The following RIMS2 variants were observed in gnomAD, a reference collection of about 807,000 sequenced individuals.
RIMS2 encodes regulating synaptic membrane exocytosis 2, also known as regulating synaptic membrane exocytosis protein 2.
A neutral mutation model predicts 174.4 loss-of-function variants in RIMS2; 59 were observed. That is an observed-to-expected ratio of 0.34 (90% CI 0.27 to 0.42). RIMS2 has a LOEUF of 0.42. RIMS2 is among the 10% of genes least tolerant of loss of function. The pLI is 1.00. For synonymous variants in RIMS2, 606 were observed against 572.5 expected, an observed-to-expected ratio of 1.06 and a Z score of -0.84; for missense variants, 1,620 against 1,666.3, an observed-to-expected ratio of 0.97 and a Z score of 0.48.
intron 3 of RIMS2, among the ~76,000 whole-genome samples, chr8:103,851,986 G>A (rs1019778980): frequency 2.0e-5 from 3 of 148,528 alleles, no homozygotes; most frequent in South Asian, 2.2e-4. Context: ...AATCGTACTC[G>A]GGCAGATGGG....
chr8:104,097,812 C>A (rs1285891671), intron 19 of RIMS2, among the ~76,000 whole-genome samples: 5 of 152,176 alleles, frequency 3.3e-5, no homozygotes, highest in Non-Finnish European at 7.4e-5. Context: ...TTTTATGAAG[C>A]ATGGTCCAAA....
intron 19 of RIMS2, among the ~76,000 whole-genome samples, chr8:104,100,278 C>A (rs1303559048): frequency 1.3e-5 from 2 of 151,996 alleles, no homozygotes; most frequent in Non-Finnish European, 2.9e-5. Flanking sequence ...TATAGAAATA[C>A]AATTAATTTT....
At chr8:104,142,120 C>CTTTTTTTTTTTTTTTT in intron 19 of RIMS2, among the ~76,000 whole-genome samples, 1 of 131,996 alleles carries the variant, frequency 7.6e-6, no homozygotes, top group Non-Finnish European at 1.6e-5. Flanking sequence ...AAATATCTTC[C>CTTTTTTTTTTTTTTTT]TTTTTTTTTT....
At chr8:104,139,502 A>G (rs1250752734) in intron 19 of RIMS2, among the ~76,000 whole-genome samples, 2 of 151,894 alleles carry the variant, frequency 1.3e-5, no homozygotes, top group East Asian at 1.9e-4. Flanking sequence ...TATCCTAGGC[A>G]TTTTATGTCA....
intron 1 of RIMS2, among the ~76,000 whole-genome samples, chr8:103,596,521 C>A (rs2094483154): frequency 6.6e-6 from 1 of 151,924 alleles, no homozygotes; most frequent in South Asian, 2.1e-4. Context: ...TTAATAATAT[C>A]TTTGTGTTGG....
intron 1 of RIMS2, among the ~76,000 whole-genome samples, chr8:103,636,645 G>A (rs567647890): frequency 8.5e-5 from 13 of 152,186 alleles, no homozygotes; most frequent in Non-Finnish European, 1.3e-4. Flanking sequence ...ATTAATTTCA[G>A]TGCAAGTACC....
chr8:104,245,938 T>C (rs756563399), intron 20 of RIMS2, among the ~76,000 whole-genome samples: 4 of 152,208 alleles, frequency 2.6e-5, no homozygotes, highest in Non-Finnish European at 5.9e-5. Context: ...AACTAAAACA[T>C]TTGTATTAAC....
chr8:104,158,023 A>G (rs530938364), intron 19 of RIMS2, among the ~76,000 whole-genome samples: 4 of 152,052 alleles, frequency 2.6e-5, no homozygotes, highest in Non-Finnish European at 2.9e-5. Flanking sequence ...TCAACTCGTC[A>G]TTTACGTTAG....
chr8:103,634,571 CTT>C (rs1449638406), intron 1 of RIMS2, among the ~76,000 whole-genome samples: 2 of 152,142 alleles, frequency 1.3e-5, no homozygotes, highest in African/African-American at 4.8e-5. Context: ...TTCTGAATAT[CTT>C]TGTTAGTTTT....
At chr8:103,922,546 A>C in intron 10 of RIMS2, 2 of 284,106 alleles carry the variant, frequency 7.0e-6, no homozygotes, top group South Asian at 5.9e-5. Flanking sequence ...TAATATTACC[A>C]GTATTGTTGT....
At chr8:103,850,810 C>T (rs923291089) in intron 3 of RIMS2, among the ~76,000 whole-genome samples, 4 of 151,996 alleles carry the variant, frequency 2.6e-5, no homozygotes, top group Middle Eastern at 3.2e-3. Context: ...ACATGATCTT[C>T]TTTATCTGAA....
chr8:103,608,945 CCTT>C (rs1024508643), intron 1 of RIMS2, among the ~76,000 whole-genome samples: 15 of 152,298 alleles, frequency 9.8e-5, no homozygotes, highest in East Asian at 7.7e-4. Flanking sequence ...CAGAAATCAC[CCTT>C]CTTCTGCGTT....
intron 1 of RIMS2, among the ~76,000 whole-genome samples, chr8:103,586,893 A>G (rs191563246): frequency 6.6e-6 from 1 of 152,064 alleles, no homozygotes; most frequent in East Asian, 1.9e-4. Flanking sequence ...ATCAGATTGA[A>G]AAAGGAGACA....
At chr8:103,885,810 T>C (rs772043556) in exon 4 of RIMS2, 7 of 1,612,800 alleles carry the variant, frequency 4.3e-6, no homozygotes, top group African/African-American at 4.0e-5. Context: ...AGAGCTGCCA[T>C]GGAAAATCAG....
At chr8:103,531,484 G>A (rs1397731956) in intron 1 of RIMS2, among the ~76,000 whole-genome samples, 1 of 152,182 alleles carries the variant, frequency 6.6e-6, no homozygotes, top group East Asian at 1.9e-4. Flanking sequence ...ACCTGGAGTT[G>A]CTGGGAGGTG....
downstream of RIMS2, chr8:104,254,181 G>T (rs1248590775): frequency 1.4e-5 from 2 of 144,700 alleles, no homozygotes; most frequent in East Asian, 4.1e-4. Context: ...TTGTCATTAT[G>T]CAGTATTTAT....
intron 2 of RIMS2, among the ~76,000 whole-genome samples, chr8:103,737,853 TCTAA>T (rs1350080346): frequency 6.6e-6 from 1 of 152,212 alleles, no homozygotes; most frequent in African/African-American, 2.4e-5. Flanking sequence ...AGGGCTCTTC[TCTAA>T]CTACCCTCTG....
chr8:103,618,775 C>G (rs1442172219), intron 1 of RIMS2, among the ~76,000 whole-genome samples: 4 of 152,088 alleles, frequency 2.6e-5, no homozygotes, highest in African/African-American at 9.7e-5. Flanking sequence ...AGCTGGGGGA[C>G]TACTTTAAGA....
At chr8:104,112,431 T>G (rs1345584580) in intron 19 of RIMS2, among the ~76,000 whole-genome samples, 3 of 152,062 alleles carry the variant, frequency 2.0e-5, no homozygotes, top group Admixed American at 1.3e-4. Context: ...ACTATATAGA[T>G]ATATTTCTAT....
Sources: allele counts gnomAD v4.1 joint callset (sites outside exome capture counted in the v4.1 genomes callset), GRCh38; gene constraint gnomAD v4.1.1; transcripts MANE v1.5; gene names NCBI Gene and HGNC (gene_info 2026-07-23, HGNC 2026-07-21).